EDNRB: variants seen among roughly 807,000 people sequenced by gnomAD.
The protein encoded by EDNRB is endothelin receptor type B.
A neutral mutation model predicts 46.4 loss-of-function variants in EDNRB; 18 were observed. The observed-to-expected ratio is 0.39, with a 90% CI of 0.27 to 0.57. EDNRB has a LOEUF of 0.57. Ranked by LOEUF, EDNRB falls within the 20% of genes least tolerant of loss-of-function variation. The probability of loss-of-function intolerance (pLI) is 0.61; values close to 1 mark genes in which losing one functional copy is unlikely to be tolerated. For synonymous variants in EDNRB, 213 were observed against 204.9 expected (o/e 1.04, Z -0.34); for missense variants, 434 against 537.5 (o/e 0.81, Z 1.90).
At chr13:77,959,731 A>T (rs1032896858) in intron 1 of EDNRB, among the ~76,000 whole-genome samples, 4 of 152,236 alleles carry the variant, frequency 2.6e-5, no homozygotes. Context: ...CAGATGATCA[A>T]ACTTCTCCGA....
chr13:77,906,393 A>G (rs528779580), intron 1 of EDNRB, among the ~76,000 whole-genome samples: 1 of 152,168 alleles, frequency 6.6e-6, no homozygotes, highest in East Asian at 1.9e-4. Context: ...TCCTCCCTTC[A>G]AAACATGAAG....
chr13:77,937,823 T>G (rs1313301498), intron 1 of EDNRB, among the ~76,000 whole-genome samples: 1 of 151,920 alleles, frequency 6.6e-6, no homozygotes, highest in Non-Finnish European at 1.5e-5. Flanking sequence ...ACGCTTGAGG[T>G]TGGGACTGAG....
At chr13:77,944,922 T>A (rs1880860052) in intron 1 of EDNRB, 1 of 152,160 alleles carries the variant, frequency 6.6e-6, no homozygotes, top group Admixed American at 6.6e-5. Flanking sequence ...AGTAAAACAC[T>A]TTTGTTATGG....
chr13:77,903,379 T>TTGTA lies in EDNRB; in HGVS notation c.597-23_597-20dup. 6.2e-7 allele frequency: 1 copy of TTGTA among 1,612,832 alleles called. No individual in the cohort carries two copies. Among genetic ancestry groups the TTGTA allele is most frequent in the Non-Finnish European group, 8.5e-7 (1 of 1,179,270 alleles). ...TCGATATCTGAAGATAAAAATAGAATTGTATTTTAAGCTGGCATACCTTAG... is the reference window on the plus strand; with the variant it reads ...TCGATATCTGAAGATAAAAATAGAATTGTATGTATTTTAAGCTGGCATACCTTAG... On this transcript the variant is annotated intron_variant, in intron 2 of 6. Coordinates refer to ENST00000646607, the MANE Select transcript of EDNRB (RefSeq NM_001122659.3).
chr13:77,931,991 T>A (rs1924917), intron 1 of EDNRB, among the ~76,000 whole-genome samples: 1 of 151,404 alleles, frequency 6.6e-6, no homozygotes. Context: ...AAAGAAAAGA[T>A]AAAGTAATAT....
intron 1 of EDNRB, among the ~76,000 whole-genome samples, chr13:77,928,915 C>A (rs1379770166): frequency 6.6e-6 from 1 of 152,188 alleles, no homozygotes; most frequent in Non-Finnish European, 1.5e-5. Flanking sequence ...ACTTTTAAAT[C>A]ATTTTTTATA....
rs1217556561 is a variant in EDNRB at position 77,900,232 on chromosome 13, G to C, written c.1086-265C>G. ...TAAAATCTCATTTGGAAGTACTGAAGCTGGCTGAAAAGAAGAAATTTAGAA... is the reference window on the plus strand; with the variant it reads ...TAAAATCTCATTTGGAAGTACTGAACCTGGCTGAAAAGAAGAAATTTAGAA... On this transcript the variant is annotated intron_variant, in intron 5 of 6. Coordinates refer to ENST00000646607, the MANE Select transcript of EDNRB (RefSeq NM_001122659.3). Among the ~76,000 whole-genome samples the C allele has an allele frequency of 3.9e-5, 6 of 151,938 alleles. No individual in the cohort carries two copies. In the East Asian group the frequency reaches 9.7e-4, roughly 25 times the overall value.
chr13:77,957,829 G>A (rs1346410475), intron 1 of EDNRB, among the ~76,000 whole-genome samples: 1 of 152,152 alleles, frequency 6.6e-6, no homozygotes, highest in Non-Finnish European at 1.5e-5. Context: ...GAAAACTTCA[G>A]ACCAGGGCAT....
intron 1 of EDNRB, chr13:77,947,497 T>C (rs1282593508): frequency 2.0e-5 from 3 of 152,060 alleles, no homozygotes; most frequent in African/African-American, 7.2e-5. Flanking sequence ...CTTTTTATTT[T>C]TATTTTTATT....
chr13:77,938,807 A>G (rs1383641656), intron 1 of EDNRB, among the ~76,000 whole-genome samples: 3 of 152,156 alleles, frequency 2.0e-5, no homozygotes, highest in African/African-American at 7.2e-5. Context: ...GAGGTTGGAG[A>G]AGACAGTAAG....
At chr13:77,903,028 C>G in intron 3 of EDNRB, 128 bp downstream of exon 3, 1 of 1,005,064 alleles carries the variant, frequency 9.9e-7, no homozygotes, top group Non-Finnish European at 1.5e-6. Flanking sequence ...GTCCTTGGAT[C>G]TATACTCTTA....
chr13:77,964,098 A>G (rs896357528), intron 1 of EDNRB, among the ~76,000 whole-genome samples: 1 of 152,170 alleles, frequency 6.6e-6, no homozygotes, highest in Non-Finnish European at 1.5e-5. Flanking sequence ...TTACAATGGC[A>G]ATCATTAAAA....
At chr13:77,963,010 C>A (rs1328115356) in intron 1 of EDNRB, among the ~76,000 whole-genome samples, 1 of 152,142 alleles carries the variant, frequency 6.6e-6, no homozygotes, top group Admixed American at 6.5e-5. Flanking sequence ...TGAGTGAACT[C>A]CCATTCACAA....
At chr13:77,966,878 T>C (rs1881598003) in intron 1 of EDNRB, among the ~76,000 whole-genome samples, 1 of 152,204 alleles carries the variant, frequency 6.6e-6, no homozygotes, top group African/African-American at 2.4e-5. Flanking sequence ...TAACACTAAA[T>C]AGTTTGAATC....
rs1333197932 is a variant in EDNRB at position 77,925,720 on chromosome 13, G to A, written c.-51-7096C>T. On this transcript the variant is annotated intron_variant, in intron 1 of 7. Coordinates refer to the EDNRB transcript ENST00000646948. ...CAGTGTAGAAGGGAAATGTAGGGTC[G>A]GAGCCCCCACACAGAGTCCCTACTG... Among the ~76,000 whole-genome samples the A allele has an allele frequency of 2.6e-5, 4 of 152,276 alleles. No homozygotes were observed. The East Asian group carries it at 5.8e-4, about 22-fold the overall frequency.
intron 1 of EDNRB, among the ~76,000 whole-genome samples, chr13:77,940,300 G>A (rs950325641): frequency 1.3e-5 from 2 of 149,076 alleles, no homozygotes; most frequent in Non-Finnish European, 3.0e-5. Flanking sequence ...AAGAGGAAAT[G>A]GTTAAATTTA....
chr13:77,925,639 GCCC>G (rs1304040794), intron 1 of EDNRB, among the ~76,000 whole-genome samples: 1 of 152,224 alleles, frequency 6.6e-6, no homozygotes, highest in Non-Finnish European at 1.5e-5. Context: ...ACGCCTGGAT[GCCC>G]AGGCAAAAGT....
intron 1 of EDNRB, among the ~76,000 whole-genome samples, chr13:77,956,124 G>C (rs554698163): frequency 6.6e-6 from 1 of 152,076 alleles, no homozygotes; most frequent in Non-Finnish European, 1.5e-5. Context: ...TAGTATGGAC[G>C]TTTTAACAAT....
intron 1 of EDNRB, among the ~76,000 whole-genome samples, chr13:77,931,776 A>AAAAAAAAAAAAC (rs1566324494): frequency 9.7e-6 from 1 of 102,892 alleles, no homozygotes; most frequent in Non-Finnish European, 2.0e-5. Context: ...AAAAAAAAAC[A>AAAAAAAAAAAAC]AAAAAAACCT....
Sources: gnomAD v4.1 joint callset for allele counts (sites outside exome capture counted in the v4.1 genomes callset) on GRCh38, gnomAD v4.1.1 for gene constraint, MANE v1.5 for transcripts, NCBI Gene and HGNC (gene_info 2026-07-23, HGNC 2026-07-21) for gene names.